CHRM3: variants seen among roughly 807,000 people sequenced by gnomAD.
CHRM3 encodes the protein muscarinic acetylcholine receptor M3.
Under a neutral mutation model 41.8 loss-of-function variants are expected in CHRM3, and 11 were observed. That is an observed-to-expected ratio of 0.26 (90% CI 0.17 to 0.44). The LOEUF (loss-of-function observed/expected upper bound fraction) is 0.44. Ranked by LOEUF, CHRM3 falls within the 20% of genes least tolerant of loss-of-function variation. The pLI is 1.00. For missense variants in CHRM3, 571 were observed against 745.4 expected, an observed-to-expected ratio of 0.77 and a Z score of 2.72; for synonymous variants, 297 against 301.4, an observed-to-expected ratio of 0.99 and a Z score of 0.15.
At chr1:239,808,742 G>GC (rs1431395636) in intron 5 of CHRM3, among the ~76,000 whole-genome samples, 19 of 152,036 alleles carry the variant, frequency 1.2e-4, no homozygotes, top group Admixed American at 1.3e-4. Flanking sequence ...CCAAAGAACT[G>GC]CCCCAATACT....
At chr1:239,699,481 C>T (rs968551116) in intron 5 of CHRM3, among the ~76,000 whole-genome samples, 14 of 152,078 alleles carry the variant, frequency 9.2e-5, no homozygotes, top group East Asian at 5.8e-4. Flanking sequence ...TGCCAAGTGA[C>T]GAGAACCCTC....
chr1:239,755,700 A>G (rs889078219), intron 5 of CHRM3, among the ~76,000 whole-genome samples: 8 of 152,198 alleles, frequency 5.3e-5, no homozygotes, highest in African/African-American at 1.9e-4. Context: ...TAGTTTCTGA[A>G]GCACTGTTGG....
intron 1 of CHRM3, among the ~76,000 whole-genome samples, chr1:239,416,764 T>G (rs1172535459): frequency 6.6e-6 from 1 of 152,166 alleles, no homozygotes; most frequent in African/African-American, 2.4e-5. Context: ...GAAAGACATA[T>G]AATTTGGAAG....
intron 5 of CHRM3, among the ~76,000 whole-genome samples, chr1:239,763,409 G>A (rs891882643): frequency 6.6e-6 from 1 of 152,152 alleles, no homozygotes; most frequent in African/African-American, 2.4e-5. Context: ...TAGCTATTCT[G>A]TGAAATACTA....
chr1:239,468,465 T>G (rs554923915), intron 1 of CHRM3, among the ~76,000 whole-genome samples: 5 of 152,328 alleles, frequency 3.3e-5, no homozygotes, highest in Admixed American at 6.5e-5. Flanking sequence ...GAAGTTAATG[T>G]TTGGCATTAT....
intron 4 of CHRM3, among the ~76,000 whole-genome samples, chr1:239,643,625 T>G (rs990008204): frequency 6.6e-6 from 1 of 152,182 alleles, no homozygotes; most frequent in South Asian, 2.1e-4. Flanking sequence ...GTCGGAAAAG[T>G]GCAGTATTCG....
chr1:239,710,270 C>A (rs566283174), intron 5 of CHRM3, among the ~76,000 whole-genome samples: 1 of 152,018 alleles, frequency 6.6e-6, no homozygotes, highest in East Asian at 1.9e-4. Context: ...TGTAACTATA[C>A]CCATATATAT....
intron 3 of CHRM3, among the ~76,000 whole-genome samples, chr1:239,546,935 A>C (rs1659356457): frequency 6.6e-6 from 1 of 152,212 alleles, no homozygotes; most frequent in Admixed American, 6.5e-5. Flanking sequence ...AGCTAGGAGA[A>C]TACAGCTAGC....
At chr1:239,671,196 C>G (rs1193175170) in intron 4 of CHRM3, among the ~76,000 whole-genome samples, 6 of 152,172 alleles carry the variant, frequency 3.9e-5, no homozygotes, top group Non-Finnish European at 5.9e-5. Flanking sequence ...TCCTCAAATT[C>G]TAATCAACCA....
chr1:239,604,573 G>GA (rs1666012332), intron 3 of CHRM3, among the ~76,000 whole-genome samples: 1 of 152,160 alleles, frequency 6.6e-6, no homozygotes, highest in Non-Finnish European at 1.5e-5. Context: ...TCTTTGCCCT[G>GA]ATTACTCAGT....
intron 5 of CHRM3, among the ~76,000 whole-genome samples, chr1:239,773,820 C>G (rs1216565721): frequency 6.6e-6 from 1 of 152,114 alleles, no homozygotes; most frequent in Non-Finnish European, 1.5e-5. Context: ...CATGTTACCT[C>G]AATGCATAGG....
intron 2 of CHRM3, among the ~76,000 whole-genome samples, chr1:239,509,854 G>T (rs1056539671): frequency 6.6e-6 from 1 of 152,146 alleles, no homozygotes; most frequent in Non-Finnish European, 1.5e-5. Context: ...TTGGGAGGCC[G>T]AAGTGGGCAG....
chr1:239,899,276 A>AGTGT (rs71168861), intron 6 of CHRM3, among the ~76,000 whole-genome samples: 5,397 of 134,518 alleles, frequency 0.04, 116 homozygotes, highest in Non-Finnish European at 0.047. Context: ...TTTTGAACTC[A>AGTGT]GTGTGTGTGT....
chr1:239,868,081 G>C (rs148694777), intron 6 of CHRM3, among the ~76,000 whole-genome samples: 11 of 152,152 alleles, frequency 7.2e-5, no homozygotes, highest in African/African-American at 2.7e-4. Context: ...CTTAATTATT[G>C]CTCCCTCCTT....
chr1:239,760,177 G>C (rs765745937), intron 5 of CHRM3, among the ~76,000 whole-genome samples: 1 of 151,116 alleles, frequency 6.6e-6, no homozygotes, highest in Non-Finnish European at 1.5e-5. Flanking sequence ...CGCCCACCTC[G>C]GCCCCCCAAA....
At chr1:239,639,977 T>G (rs1670925561) in intron 4 of CHRM3, among the ~76,000 whole-genome samples, 1 of 151,632 alleles carries the variant, frequency 6.6e-6, no homozygotes, top group Admixed American at 6.6e-5. Context: ...GCATGAAGGG[T>G]TGTTGAATTT....
chr1:239,650,073 A>T (rs1329095380), intron 4 of CHRM3, among the ~76,000 whole-genome samples: 3 of 151,970 alleles, frequency 2.0e-5, no homozygotes, highest in Admixed American at 6.6e-5. Flanking sequence ...CAGCTGTGGG[A>T]CTCTCATCAG....
intron 1 of CHRM3, among the ~76,000 whole-genome samples, chr1:239,433,866 A>C (rs1314054271): frequency 6.6e-6 from 1 of 152,112 alleles, no homozygotes; most frequent in African/African-American, 2.4e-5. Context: ...TCGTTGATCC[A>C]TGGGCATTTG....
chr1:239,752,322 A>G (rs11579963), intron 5 of CHRM3, among the ~76,000 whole-genome samples: 302 of 152,304 alleles, frequency 2.0e-3, no homozygotes, highest in Non-Finnish European at 3.8e-3. Flanking sequence ...ATGTCCAGCC[A>G]TTGTTCTATT....
Sources: gnomAD v4.1 joint callset for allele counts (sites outside exome capture counted in the v4.1 genomes callset) on GRCh38, gnomAD v4.1.1 for gene constraint, MANE v1.5 for transcripts, NCBI Gene and HGNC (gene_info 2026-07-23, HGNC 2026-07-21) for gene names.